The following ASH1L variants were observed in gnomAD, a reference collection of about 807,000 sequenced individuals.
The protein encoded by ASH1L is histone-lysine N-methyltransferase ASH1L.
Under a neutral mutation model 269.0 loss-of-function variants are expected in ASH1L, and 23 were observed. The observed-to-expected ratio is 0.09, with a 90% confidence interval of 0.06 to 0.12. The LOEUF is 0.12. ASH1L is among the 10% of genes least tolerant of loss of function. ASH1L has a pLI of 1.00. For synonymous variants in ASH1L, 1,187 were observed against 1,253.5 expected (o/e 0.95, Z 1.12); for missense variants, 2,912 against 3,567.8 (o/e 0.82, Z 4.68).
chr1:155,348,816 G>C (rs1326778269), intron 19 of ASH1L, among the ~76,000 whole-genome samples: 1 of 151,654 alleles, frequency 6.6e-6, no homozygotes, highest in African/African-American at 2.4e-5. Flanking sequence ...GGGAGGTGGA[G>C]GTTGCAGTGA....
rs1034765769 is a variant in ASH1L at position 155,422,200 on chromosome 1, C to G, written c.5829-6277G>C. On this transcript the variant is annotated intron_variant, in intron 5 of 27. Transcript: ENST00000392403. ...TCAACCAGGCTGGAGTGCAGTGGCA[C>G]GATCTCGGCTCGCTGCAACCCTACC... is the stretch of plus-strand genomic sequence containing the variant. Among the ~76,000 whole-genome samples, 7 of 151,228 alleles carry G rather than the reference C, an allele frequency of 4.6e-5. No homozygotes were observed. In the East Asian group the frequency reaches 1.4e-3, roughly 30 times the overall value.
rs746423268 is a variant in ASH1L at position 155,482,421 on chromosome 1, T to A, written c.449A>T (p.Asp150Val). 1.9e-6 allele frequency: 3 copies of A among 1,613,222 alleles called. No individual in the cohort carries two copies. The highest frequency in any genetic ancestry group is 2.5e-6 in the Non-Finnish European group (3 of 1,179,606). ...CTGGCATTCAATGGCTGCAACATCA[T>A]CTGCTTTCTTGTACAACTTTGAAGG... ...RDPSKLYKKA[D>V]DVAAIECQSE... The change falls in exon 3 of 28, where the codon GAT becomes GTT. Residue 150 changes from aspartate (D) to valine (V), a missense_variant. Asp to Val is a radical substitution (Grantham distance 152). Transcript: ENST00000392403.
intron 2 of ASH1L, among the ~76,000 whole-genome samples, chr1:155,483,425 A>G (rs1279990526): frequency 6.6e-6 from 1 of 152,206 alleles, no homozygotes; most frequent in Non-Finnish European, 1.5e-5. Context: ...GGGAATAACC[A>G]TACCAAATAT....
At chr1:155,516,899 G>A (rs1047304470) in intron 2 of ASH1L, among the ~76,000 whole-genome samples, 4 of 152,014 alleles carry the variant, frequency 2.6e-5, no homozygotes, top group Non-Finnish European at 4.4e-5. Flanking sequence ...AATTTAAGGA[G>A]GTGAAAGGCT....
intron 1 of ASH1L, among the ~76,000 whole-genome samples, chr1:155,537,856 C>T (rs148151104): frequency 6.6e-6 from 1 of 152,136 alleles, no homozygotes; most frequent in African/African-American, 2.4e-5. Flanking sequence ...CTACAGGTTA[C>T]TGTGATAGTA....
chr1:155,457,897 G>A (rs10796945), intron 4 of ASH1L, among the ~76,000 whole-genome samples: 54,618 of 152,010 alleles, frequency 0.36, 10,907 homozygotes, highest in East Asian at 0.72. Flanking sequence ...TCAGGGGTTG[G>A]TGAACTTTTT....
chr1:155,351,627 G>A lies in ASH1L; in HGVS notation c.7366+1079C>T, dbSNP rs1570969579. Among the ~76,000 whole-genome samples, 3 of 152,244 alleles carry A rather than the reference G, an allele frequency of 2.0e-5. No individual in the cohort carries two copies. In the South Asian group the frequency reaches 6.2e-4, roughly 32 times the overall value. On this transcript the variant is annotated intron_variant, in intron 17 of 27. Coordinates refer to ENST00000392403, the MANE Select transcript of ASH1L (RefSeq NM_018489.3). ...TCACTTTGGGAGGCCGAGGCAGGTGGATCACGAGGTCAGGAGTTCAAGACC... is the reference window on the plus strand; with the variant it reads ...TCACTTTGGGAGGCCGAGGCAGGTGAATCACGAGGTCAGGAGTTCAAGACC...
intron 17 of ASH1L, among the ~76,000 whole-genome samples, chr1:155,349,884 C>CTTTTT (rs1299756334): frequency 1.0e-5 from 1 of 97,696 alleles, no homozygotes; most frequent in Non-Finnish European, 2.1e-5. Context: ...CGCCAAGCTA[C>CTTTTT]TTTTTTTTTT....
At chr1:155,557,330 T>C (rs1038883452) in intron 1 of ASH1L, among the ~76,000 whole-genome samples, 10 of 152,054 alleles carry the variant, frequency 6.6e-5, no homozygotes, top group Non-Finnish European at 1.2e-4. Flanking sequence ...TGGCGCAGTC[T>C]TGGCTCACTG....
chr1:155,409,584 C>T (rs748040201), intron 6 of ASH1L, among the ~76,000 whole-genome samples: 1 of 152,110 alleles, frequency 6.6e-6, no homozygotes, highest in Non-Finnish European at 1.5e-5. Flanking sequence ...TATAAAGTAT[C>T]ACATATGCAA....
At chr1:155,376,293 A>C (rs1158226931) in intron 10 of ASH1L, among the ~76,000 whole-genome samples, 1 of 152,244 alleles carries the variant, frequency 6.6e-6, no homozygotes, top group East Asian at 1.9e-4. Flanking sequence ...TGAAGCAGGA[A>C]GAACTAAAAC....
chr1:155,557,109 G>A (rs1373343794), intron 1 of ASH1L, among the ~76,000 whole-genome samples: 2 of 152,134 alleles, frequency 1.3e-5, no homozygotes, highest in African/African-American at 4.8e-5. Context: ...GAGGGCAAAT[G>A]ACTAAAGACT....
chr1:155,433,692 T>TG, intron 5 of ASH1L: 1 of 1,599,544 alleles, frequency 6.3e-7, no homozygotes, highest in Non-Finnish European at 8.5e-7. Context: ...GGGCTCACCC[T>TG]GGGGGTTCTA....
chr1:155,343,772 T>TA lies in ASH1L; in HGVS notation c.7982-31dup. On this transcript the variant is annotated intron_variant, in intron 22 of 27. Coordinates refer to ENST00000392403, the MANE Select transcript of ASH1L (RefSeq NM_018489.3). The surrounding 1 kb of genome is among the most constrained non-coding windows in gnomAD (Gnocchi z 6.1). ...GAAGACCCAGAACACAGAAGAAACA[T>TA]AAAACAATTCTTGTATGAATTCTGT... 6.2e-7 allele frequency: 1 copy of TA among 1,608,598 alleles called. No individual in the cohort carries two copies. Among genetic ancestry groups the TA allele is most frequent in the Non-Finnish European group, 8.5e-7 (1 of 1,177,868 alleles).
chr1:155,536,206 T>A (rs1670046591), intron 1 of ASH1L, among the ~76,000 whole-genome samples: 1 of 152,160 alleles, frequency 6.6e-6, no homozygotes, highest in African/African-American at 2.4e-5. Flanking sequence ...ATTTTTGTTG[T>A]GTTTCAGAAA....
Position 155,360,372 on chromosome 1 carries a change from G to C in ASH1L, c.6724C>G (p.Leu2242Val), listed in dbSNP as rs1433024122. 1 of 1,613,132 alleles carries C rather than the reference G, an allele frequency of 6.2e-7. No individual in the cohort carries two copies. Among genetic ancestry groups the C allele is most frequent in the South Asian group, 1.1e-5 (1 of 91,066 alleles). The change falls in exon 13 of 28, where the codon CTT becomes GTT. Residue 2242 changes from leucine (L) to valine (V), a missense_variant. Physicochemically the swap from Leu to Val is conservative, Grantham distance 32. Around this residue, in one of 13 missense-constraint regions of ASH1L, gnomAD observed 309 missense variants for 435.1 expected, o/e 0.71. Coordinates refer to ENST00000392403, the MANE Select transcript of ASH1L (RefSeq NM_018489.3). ...TCAGTCCCAGCTGGCATGTCTTTAA[G>C]AGCATAGAGTCCAATCCGGTATACT... is the stretch of plus-strand genomic sequence containing the variant. ...NGVYRIGLYA[L>V]KDMPAGTELT...
Position 155,343,823 on chromosome 1 carries a change from GT to G in ASH1L, c.7982-82del, listed in dbSNP as rs780935715. 3 of 1,506,246 alleles carry G rather than the reference GT, an allele frequency of 2.0e-6. No homozygotes were observed. Among genetic ancestry groups the G allele is most frequent in the Non-Finnish European group, 2.7e-6 (3 of 1,100,992 alleles). 93.3% of individuals were successfully genotyped at this position (1,506,246 alleles called of 1,614,324 possible). A position where few individuals can be genotyped will look rare whatever the true frequency, so the allele number is the denominator to read the frequency against. On this transcript the variant is annotated intron_variant, in intron 22 of 27. Coordinates refer to ENST00000392403, the MANE Select transcript of ASH1L (RefSeq NM_018489.3). This position sits in a 1 kb window ranked among gnomAD's most constrained non-coding sequence, Gnocchi z 6.1. ...TAGGCATCTGTTTATCTGACTCAGGGTCTACATAGAACTCATAATCTGAAAC... is the reference window on the plus strand; with the variant it reads ...TAGGCATCTGTTTATCTGACTCAGGGCTACATAGAACTCATAATCTGAAAC...
At chr1:155,436,379 C>T (rs771481454) in intron 5 of ASH1L, among the ~76,000 whole-genome samples, 5 of 150,770 alleles carry the variant, frequency 3.3e-5, no homozygotes, top group Admixed American at 6.6e-5. Flanking sequence ...TTAGTAGAGA[C>T]GGGGTTTCTC....
At chr1:155,531,878 C>T (rs1340803194) in intron 1 of ASH1L, among the ~76,000 whole-genome samples, 1 of 152,168 alleles carries the variant, frequency 6.6e-6, no homozygotes, top group Non-Finnish European at 1.5e-5. Context: ...ATGTAAACTG[C>T]TTGAAAAACA....
Sources: allele counts gnomAD v4.1 joint callset (sites outside exome capture counted in the v4.1 genomes callset), GRCh38; gene constraint gnomAD v4.1.1; regional missense constraint gnomAD v4.1.1; non-coding constraint Gnocchi (gnomAD v3.1); transcripts MANE v1.5; gene names NCBI Gene and HGNC (gene_info 2026-07-23, HGNC 2026-07-21).